AHI1: variants seen among roughly 807,000 people sequenced by gnomAD.
The protein encoded by AHI1 is jouberin.
AHI1 carries 123 observed loss-of-function variants against 149.3 expected under a neutral mutation model. The observed-to-expected ratio is 0.82, with a 90% CI of 0.71 to 0.96. AHI1 has a LOEUF of 0.96. AHI1 is among the 40% of genes least tolerant of loss of function. The pLI, the probability that AHI1 is intolerant of heterozygous loss-of-function variation, is 0.00. For synonymous variants in AHI1, 475 were observed against 459.8 expected (o/e 1.03, Z -0.42); for missense variants, 1,439 against 1,422.7 (o/e 1.01, Z -0.18).
intron 23 of AHI1, among the ~76,000 whole-genome samples, chr6:135,390,478 C>G (rs1027507075): frequency 6.6e-6 from 1 of 152,098 alleles, no homozygotes; most frequent in African/African-American, 2.4e-5. Flanking sequence ...ATACTCATAG[C>G]CAGAGGGCCC....
intron 5 of AHI1, among the ~76,000 whole-genome samples, chr6:135,479,668 T>C (rs1423915863): frequency 1.3e-5 from 2 of 152,154 alleles, no homozygotes; most frequent in African/African-American, 4.8e-5. Flanking sequence ...CGGGTTCATG[T>C]TGAAATAAGT....
At chr6:135,415,659 T>C (rs1782266437) in intron 20 of AHI1, among the ~76,000 whole-genome samples, 1 of 152,158 alleles carries the variant, frequency 6.6e-6, no homozygotes, top group South Asian at 2.1e-4. Context: ...CTCCTAGAAA[T>C]TTGTCAAAGA....
intron 20 of AHI1, among the ~76,000 whole-genome samples, chr6:135,421,619 CAT>C (rs1238891928): frequency 6.6e-6 from 1 of 151,928 alleles, no homozygotes; most frequent in African/African-American, 2.4e-5. Context: ...TATTTTACAT[CAT>C]ATCATTCATG....
chr6:135,452,890 C>A (rs1788350863), intron 11 of AHI1, among the ~76,000 whole-genome samples: 1 of 152,114 alleles, frequency 6.6e-6, no homozygotes, highest in Non-Finnish European at 1.5e-5. Context: ...CCTGACCCCA[C>A]AGTTCATCAT....
At chr6:135,296,790 A>T (rs745682879) in intron 27 of AHI1, among the ~76,000 whole-genome samples, 12 of 152,180 alleles carry the variant, frequency 7.9e-5, no homozygotes, top group Non-Finnish European at 1.6e-4. Context: ...TTAGCTCCTT[A>T]TAGCAGGGAT....
At chr6:135,399,827 A>T (rs1779764888) in intron 22 of AHI1, among the ~76,000 whole-genome samples, 2 of 151,412 alleles carry the variant, frequency 1.3e-5, no homozygotes, top group Non-Finnish European at 2.9e-5. Context: ...CACGCTCCAC[A>T]TATAGATTAC....
chr6:135,406,981 C>T (rs764736959), intron 21 of AHI1, among the ~76,000 whole-genome samples: 63 of 152,070 alleles, frequency 4.1e-4, no homozygotes, highest in Non-Finnish European at 6.5e-4. Context: ...TCAAGATACC[C>T]GTGAAGTCTT....
chr6:135,453,316 T>C, intron 11 of AHI1, 25 bp downstream of exon 11: 4 of 1,518,914 alleles, frequency 2.6e-6, no homozygotes, highest in Non-Finnish European at 3.6e-6. Context: ...AGTTTTAAAG[T>C]GTTTAAAATG....
chr6:135,463,010 T>C (rs1790162968), intron 8 of AHI1, 115 bp downstream of exon 8: 1 of 748,752 alleles, frequency 1.3e-6, no homozygotes, highest in Non-Finnish European at 2.0e-6. Context: ...AAGTACCAAA[T>C]ATCCTATATT....
intron 14 of AHI1, 30 bp downstream of exon 14, chr6:135,442,552 T>C: frequency 6.3e-7 from 1 of 1,576,974 alleles, no homozygotes; most frequent in Non-Finnish European, 8.6e-7. Context: ...TGGACTACAA[T>C]CAGATTAAAC....
At chr6:135,352,591 C>T (rs1254549736) in intron 24 of AHI1, among the ~76,000 whole-genome samples, 1 of 151,958 alleles carries the variant, frequency 6.6e-6, no homozygotes, top group Non-Finnish European at 1.5e-5. Context: ...AACATGACAT[C>T]CCTTCCGTTA....
rs1245017327 is a variant in AHI1 at position 135,459,836 on chromosome 6, C to T, written c.932-2123G>A. On this transcript the variant is annotated intron_variant, in intron 8 of 28. Coordinates refer to ENST00000265602, the MANE Select transcript of AHI1 (RefSeq NM_001134831.2). ...TAAGGCATAAGGACTGAAAAAGAAGCGATAAAACTATCGTTATTAACGTAT... is the reference window on the plus strand; with the variant it reads ...TAAGGCATAAGGACTGAAAAAGAAGTGATAAAACTATCGTTATTAACGTAT... 4.0e-5 allele frequency among the ~76,000 whole-genome samples: 6 copies of T among 151,284 alleles called. No homozygotes were observed. In the East Asian group the frequency reaches 7.8e-4, roughly 20 times the overall value.
intron 26 of AHI1, chr6:135,300,947 A>G (rs1316808688): frequency 1.1e-5 from 11 of 988,040 alleles, no homozygotes; most frequent in African/African-American, 1.7e-5. Context: ...AGTATACTCT[A>G]TATTTTCATA....
At chr6:135,348,620 T>C (rs1791609185) in intron 24 of AHI1, among the ~76,000 whole-genome samples, 1 of 152,198 alleles carries the variant, frequency 6.6e-6, no homozygotes, top group African/African-American at 2.4e-5. Context: ...GTGCACTGTT[T>C]AACATTTTTC....
intron 25 of AHI1, 127 bp from the exon 26 acceptor site, chr6:135,318,743 A>G (rs1786365846): frequency 1.8e-6 from 1 of 567,204 alleles, no homozygotes; most frequent in African/African-American, 1.9e-5. Context: ...TGTACCAATA[A>G]GATACCTAAA....
intron 13 of AHI1, among the ~76,000 whole-genome samples, chr6:135,443,223 C>G (rs1042911612): frequency 1.3e-5 from 2 of 152,152 alleles, no homozygotes; most frequent in Non-Finnish European, 2.9e-5. Context: ...AGTAATCAAT[C>G]GGCCCTTATT....
intron 24 of AHI1, among the ~76,000 whole-genome samples, chr6:135,325,352 T>G (rs191541255): frequency 6.6e-6 from 1 of 152,336 alleles, no homozygotes; most frequent in East Asian, 1.9e-4. Context: ...AGTATACTGA[T>G]GTTAAGTCAC....
intron 5 of AHI1, among the ~76,000 whole-genome samples, chr6:135,476,604 T>C (rs979381997): frequency 6.6e-6 from 1 of 152,174 alleles, no homozygotes; most frequent in African/African-American, 2.4e-5. Context: ...TGCTGATTTA[T>C]CTATTTCTCA....
rs539471356 is a variant in AHI1 at position 135,391,012 on chromosome 6, T to C, written c.3109+3764A>G. Among the ~76,000 whole-genome samples, 172 of 152,328 alleles carry C rather than the reference T, an allele frequency of 1.1e-3. 1 individual carries two copies. Among genetic ancestry groups the C allele is most frequent in the Non-Finnish European group, 2.0e-3 (138 of 68,002 alleles). On this transcript the variant is annotated intron_variant, in intron 23 of 28. Transcript: ENST00000265602. ...CAAAAAATGTTAAAATTGTAATTTT[T>C]TTCTTCTAAAAATTACTCAGGGAAG...
Sources: gnomAD v4.1 joint callset for allele counts (sites outside exome capture counted in the v4.1 genomes callset) on GRCh38, gnomAD v4.1.1 for gene constraint, MANE v1.5 for transcripts, NCBI Gene and HGNC (gene_info 2026-07-23, HGNC 2026-07-21) for gene names.